UTRN: variants seen among roughly 807,000 people sequenced by gnomAD.
The protein encoded by UTRN is utrophin.
UTRN carries 283 observed loss-of-function variants against 463.9 expected under a neutral mutation model. That is an observed-to-expected ratio of 0.61 (90% CI 0.55 to 0.67). The LOEUF is 0.67. Ranked by LOEUF, UTRN falls within the 30% of genes least tolerant of loss-of-function variation. The pLI is 0.00. For missense variants in UTRN, 3,922 were observed against 4,084.3 expected (o/e 0.96, Z 1.08); for synonymous variants, 1,442 against 1,431.5 (o/e 1.01, Z -0.17).
At chr6:144,489,932 T>C (rs2128578662) in intron 30 of UTRN, 139 bp from the exon 31 acceptor site, 2 of 1,273,566 alleles carry the variant, frequency 1.6e-6, no homozygotes, top group East Asian at 2.9e-5. Flanking sequence ...CAAAAACTTA[T>C]TAAAGCTTCT....
At chr6:144,477,780 G>A (rs1156703689) in intron 25 of UTRN, among the ~76,000 whole-genome samples, 1 of 152,148 alleles carries the variant, frequency 6.6e-6, no homozygotes, top group African/African-American at 2.4e-5. Flanking sequence ...GATGGCATGT[G>A]CCTTAAGGAA....
Position 144,516,824 on chromosome 6 carries a change from G to T in UTRN, c.5417G>T (p.Ser1806Ile). The T allele has an allele frequency of 6.7e-7, 1 of 1,486,138 alleles. No individual in the cohort carries two copies. Among genetic ancestry groups the T allele is most frequent in the Non-Finnish European group, 8.9e-7 (1 of 1,122,852 alleles). 92.1% of individuals were successfully genotyped at this position (1,486,138 alleles called of 1,614,324 possible). Residue 1806 changes from serine to isoleucine, a missense_variant, in exon 39 of 75, where the codon AGT becomes ATT. Ser to Ile is a moderately radical substitution (Grantham distance 142). Coordinates refer to ENST00000367545, the MANE Select transcript of UTRN (RefSeq NM_007124.3). ...SDEDEKMDEESAQIEEVLQRG... is the reference protein window; with the variant it reads ...SDEDEKMDEEIAQIEEVLQRG... Reference sequence around the variant, plus strand: ...TTAAAAATTTAGATGGATGAGGAGAGTGCCCAGATTGAGGAAGTTCTACAA... The same window carrying T: ...TTAAAAATTTAGATGGATGAGGAGATTGCCCAGATTGAGGAAGTTCTACAA...
intron 52 of UTRN, among the ~76,000 whole-genome samples, chr6:144,697,440 C>T (rs545568315): frequency 7.2e-4 from 109 of 152,154 alleles, no homozygotes; most frequent in Admixed American, 1.6e-3. Context: ...ACAAAGCATT[C>T]GACCTGTTGC....
At chr6:144,737,114 A>G (rs746584864) in intron 54 of UTRN, among the ~76,000 whole-genome samples, 24 of 152,014 alleles carry the variant, frequency 1.6e-4, no homozygotes, top group Admixed American at 1.6e-3. Context: ...ACCCTCATTG[A>G]TGGAGAGTCT....
At chr6:144,467,616 A>AG (rs775337680) in intron 23 of UTRN, among the ~76,000 whole-genome samples, 2 of 152,118 alleles carry the variant, frequency 1.3e-5, no homozygotes, top group South Asian at 2.1e-4. Context: ...CGGAATCTGG[A>AG]GGGGGGCGTG....
At chr6:144,316,104 C>T (rs1048662273) in intron 2 of UTRN, among the ~76,000 whole-genome samples, 1 of 152,176 alleles carries the variant, frequency 6.6e-6, no homozygotes, top group Non-Finnish European at 1.5e-5. Flanking sequence ...TAACCCCACA[C>T]TCTGGGAGGC....
At chr6:144,786,186 A>G (rs1164686971) in intron 61 of UTRN, among the ~76,000 whole-genome samples, 2 of 152,162 alleles carry the variant, frequency 1.3e-5, no homozygotes, top group Non-Finnish European at 2.9e-5. Flanking sequence ...GCTTATTTAC[A>G]TCAGTGTCCT....
chr6:144,797,945 A>C lies in UTRN; in HGVS notation c.9200A>C (p.Gln3067Pro). 6.2e-7 allele frequency: 1 copy of C among 1,614,184 alleles called. No individual in the cohort carries two copies. The highest frequency in any genetic ancestry group is 8.5e-7 in the Non-Finnish European group (1 of 1,180,018). ...RVAAAETAKH[Q>P]AKCNICKECP... The stretch of plus-strand genomic sequence containing the variant: ...GCAGCAGCGGAGACTGCAAAACATC[A>C]GGCCAAATGCAACATCTGTAAAGAA... Residue 3067 changes from glutamine to proline, a missense_variant, in exon 64 of 75, where the codon CAG (glutamine) becomes CCG (proline). By Grantham distance (76) the Gln-to-Pro change is moderately conservative. This residue lies in a region of UTRN where 1,309 missense variants were observed against 1,452.6 expected (regional missense o/e 0.90). Coordinates refer to ENST00000367545, the MANE Select transcript of UTRN (RefSeq NM_007124.3).
intron 3 of UTRN, among the ~76,000 whole-genome samples, chr6:144,419,067 T>C (rs568642735): frequency 2.0e-5 from 3 of 151,858 alleles, no homozygotes; most frequent in Admixed American, 6.6e-5. Context: ...GGTTATTTGT[T>C]GGCTATTTTG....
intron 2 of UTRN, among the ~76,000 whole-genome samples, chr6:144,346,615 G>A (rs1777590525): frequency 6.6e-6 from 1 of 152,210 alleles, no homozygotes; most frequent in Admixed American, 6.5e-5. Context: ...GAGGTCAGGA[G>A]TTCAGGCCAG....
intron 65 of UTRN, among the ~76,000 whole-genome samples, chr6:144,820,669 A>G (rs1376180373): frequency 6.6e-6 from 1 of 152,242 alleles, no homozygotes; most frequent in African/African-American, 2.4e-5. Context: ...TTTTCAACAG[A>G]GAATGAAAAA....
At chr6:144,552,938 A>C (rs560988806) in intron 48 of UTRN, among the ~76,000 whole-genome samples, 1 of 152,220 alleles carries the variant, frequency 6.6e-6, no homozygotes, top group Non-Finnish European at 1.5e-5. Context: ...TAAGCAATTT[A>C]TTTAAACAGC....
intron 53 of UTRN, among the ~76,000 whole-genome samples, chr6:144,720,822 C>A (rs1246751030): frequency 4.6e-5 from 7 of 152,074 alleles, no homozygotes; most frequent in Non-Finnish European, 8.8e-5. Context: ...CTCCTTGGTA[C>A]CCCGTGTGTA....
chr6:144,405,712 T>G (rs141079040), intron 3 of UTRN, among the ~76,000 whole-genome samples: 1 of 152,312 alleles, frequency 6.6e-6, no homozygotes, highest in African/African-American at 2.4e-5. Context: ...AAAACAGACA[T>G]TTGTCTAGAT....
intron 2 of UTRN, among the ~76,000 whole-genome samples, chr6:144,364,067 A>G (rs1779300775): frequency 6.6e-6 from 1 of 152,212 alleles, no homozygotes; most frequent in African/African-American, 2.4e-5. Context: ...AGAGAATGCT[A>G]TTGAGGACCT....
intron 14 of UTRN, 40 bp from the exon 15 acceptor site, chr6:144,447,171 G>C: frequency 6.4e-7 from 1 of 1,563,232 alleles, no homozygotes; most frequent in Non-Finnish European, 8.7e-7. Context: ...ATTACCAAAT[G>C]ATTTTGCAGA....
At chr6:144,836,997 T>C (rs1737304138) in intron 71 of UTRN, 1 of 169,546 alleles carries the variant, frequency 5.9e-6, no homozygotes, top group Non-Finnish European at 1.3e-5. Context: ...CTACTATTAT[T>C]TCCTAACACT....
intron 39 of UTRN, among the ~76,000 whole-genome samples, chr6:144,518,888 C>T (rs1028351248): frequency 2.0e-5 from 3 of 151,576 alleles, no homozygotes; most frequent in East Asian, 1.9e-4. Context: ...TAAGTGTGAA[C>T]ATGAGAATTA....
chr6:144,599,301 T>C (rs971091715), intron 51 of UTRN, among the ~76,000 whole-genome samples: 14 of 152,152 alleles, frequency 9.2e-5, no homozygotes, highest in African/African-American at 3.1e-4. Flanking sequence ...GTAGTTCTCT[T>C]GATATTATTT....
Sources: allele counts gnomAD v4.1 joint callset (sites outside exome capture counted in the v4.1 genomes callset), GRCh38; gene constraint gnomAD v4.1.1; regional missense constraint gnomAD v4.1.1; transcripts MANE v1.5; gene names NCBI Gene and HGNC (gene_info 2026-07-23, HGNC 2026-07-21).